ZBTB20: variants seen among roughly 807,000 people sequenced by gnomAD.
ZBTB20 encodes the protein zinc finger and BTB domain-containing protein 20.
In ZBTB20, 9 loss-of-function variants were observed where a neutral mutation model predicts 56.9. The ratio of observed to expected loss-of-function variants is 0.16; its 90% confidence interval spans 0.10 to 0.28. The LOEUF is 0.28. Among genes scored for constraint, ZBTB20 ranks in the 10% least tolerant of loss-of-function variants. ZBTB20 has a pLI of 1.00. For missense variants in ZBTB20, 655 were observed against 1,003.0 expected (o/e 0.65, Z 4.69); for synonymous variants, 417 against 420.7 (o/e 0.99, Z 0.11).
At chr3:114,506,569 C>A (rs2044639148) in intron 6 of ZBTB20, among the ~76,000 whole-genome samples, 2 of 152,108 alleles carry the variant, frequency 1.3e-5, no homozygotes, top group Admixed American at 6.6e-5. Flanking sequence ...ATTCAGGAAT[C>A]CTTTACAATC....
Position 114,329,074 on chromosome 3 carries a change from C to A in ZBTB20, c.*9931G>T, listed in dbSNP as rs2079152151. 1 of 152,148 alleles carries A rather than the reference C, an allele frequency of 6.6e-6. No homozygotes were observed. The highest frequency in any genetic ancestry group is 2.1e-4 in the South Asian group (1 of 4,820). 9.4% of individuals were successfully genotyped at this position (152,148 alleles called of 1,614,324 possible). A position where few individuals can be genotyped will look rare whatever the true frequency, so the allele number is the denominator to read the frequency against. On this transcript the variant is annotated 3_prime_UTR_variant, in exon 12 of 12. Coordinates refer to ENST00000675478, the MANE Select transcript of ZBTB20 (RefSeq NM_001348800.3). Reference sequence around the variant, plus strand: ...ACACTAGACATTAGCCCTTTCAAAGCAGACTAAGAGTACGTAGTTCCTTAG... The same window carrying A: ...ACACTAGACATTAGCCCTTTCAAAGAAGACTAAGAGTACGTAGTTCCTTAG...
chr3:114,643,859 T>C (rs1444472946), intron 6 of ZBTB20, among the ~76,000 whole-genome samples: 1 of 152,172 alleles, frequency 6.6e-6, no homozygotes, highest in East Asian at 1.9e-4. Context: ...TTTCTAACTT[T>C]ACATTTTGCC....
chr3:114,655,242 C>CTTTTTTTTTTTTTTTTTTTTTT lies in ZBTB20; in HGVS notation c.-295+38285_-295+38286insAAAAAAAAAAAAAAAAAAAAAA, dbSNP rs3085998. On this transcript the variant is annotated intron_variant, in intron 6 of 11. Coordinates refer to ENST00000675478, the MANE Select transcript of ZBTB20 (RefSeq NM_001348800.3). ...ATTGTTATTCTTCTGTTTTCCTTTC[C>CTTTTTTTTTTTTTTTTTTTTTT]TTTTTTTTTTTTTTTTTTTTTGAGA... 2.2e-5 allele frequency among the ~76,000 whole-genome samples: 2 copies of CTTTTTTTTTTTTTTTTTTTTTT among 91,676 alleles called. 1 individual carries two copies. 60.1% of individuals were successfully genotyped at this position (91,676 alleles called of 152,430 possible).
At chr3:114,962,429 C>T (rs918212009) in intron 3 of ZBTB20, among the ~76,000 whole-genome samples, 5 of 152,088 alleles carry the variant, frequency 3.3e-5, no homozygotes, top group African/African-American at 9.7e-5. Context: ...ACAGTCTACA[C>T]TCACTGCAGA....
At chr3:115,132,411 C>G (rs1330415467) in intron 1 of ZBTB20, among the ~76,000 whole-genome samples, 2 of 151,962 alleles carry the variant, frequency 1.3e-5, no homozygotes, top group Admixed American at 1.3e-4. Flanking sequence ...ACTCATTTTT[C>G]TAGATTTTAA....
chr3:115,146,074 C>G (rs2084957503), intron 1 of ZBTB20, among the ~76,000 whole-genome samples: 1 of 152,096 alleles, frequency 6.6e-6, no homozygotes, highest in Non-Finnish European at 1.5e-5. Flanking sequence ...TTAGGTTTGG[C>G]CAATGCTGAT....
Position 114,509,888 on chromosome 3 carries a change from C to T in ZBTB20, c.-294-9497G>A, listed in dbSNP as rs115625378. On this transcript the variant is annotated intron_variant, in intron 6 of 11. Transcript: ENST00000675478. ...GTAAATATCTGAATTCTTGTATTCA[C>T]CTATTAATGATCCAGGGATCGAGGA... Among the ~76,000 whole-genome samples the T allele has an allele frequency of 3.4e-3, 522 of 152,188 alleles. 2 individuals carry two copies. The highest frequency in any genetic ancestry group is 0.012 in the African/African-American group (497 of 41,530).
chr3:114,599,870 C>A (rs2056624579), intron 6 of ZBTB20, among the ~76,000 whole-genome samples: 2 of 151,932 alleles, frequency 1.3e-5, no homozygotes, highest in African/African-American at 4.8e-5. Flanking sequence ...CATGACTGTA[C>A]TAAGAGGTCC....
intron 3 of ZBTB20, among the ~76,000 whole-genome samples, chr3:114,943,910 CA>C (rs367766907): frequency 0.047 from 2,774 of 58,974 alleles, 243 homozygotes; most frequent in African/African-American, 0.1. Flanking sequence ...AAACCAACTA[CA>C]AAAAAAAAAA....
At chr3:114,565,344 C>T (rs903305405) in intron 6 of ZBTB20, among the ~76,000 whole-genome samples, 3 of 152,152 alleles carry the variant, frequency 2.0e-5, no homozygotes, top group African/African-American at 7.2e-5. Flanking sequence ...CATAATTACC[C>T]GATTGTCGCA....
chr3:115,041,284 C>T (rs2081131122), intron 2 of ZBTB20, among the ~76,000 whole-genome samples: 1 of 152,142 alleles, frequency 6.6e-6, no homozygotes, highest in African/African-American at 2.4e-5. Context: ...CATGGACAAA[C>T]ATTACAATTC....
At chr3:114,539,306 A>T (rs946293894) in intron 6 of ZBTB20, among the ~76,000 whole-genome samples, 3 of 152,124 alleles carry the variant, frequency 2.0e-5, no homozygotes, top group Non-Finnish European at 2.9e-5. Flanking sequence ...TAATTATTTG[A>T]CATTTTTGGT....
In ZBTB20 at chr3:114,319,987, C is replaced by G. The variant is rs1560051711; in HGVS notation, c.*19018G>C. ...GCTGGGGTTATTTCCTCCATACTTT[C>G]TTCCACATTTAACCTGTTTGGGCAT... On this transcript the variant is annotated 3_prime_UTR_variant, in exon 12 of 12. Coordinates refer to ENST00000675478, the MANE Select transcript of ZBTB20 (RefSeq NM_001348800.3). 1 of 152,144 alleles carries G rather than the reference C, an allele frequency of 6.6e-6. No individual in the cohort carries two copies. The highest frequency in any genetic ancestry group is 2.4e-5 in the African/African-American group (1 of 41,438). The allele number at this position is 152,144 out of a possible 1,614,324, so 9.4% of individuals were successfully genotyped here. A position where few individuals can be genotyped will look rare whatever the true frequency, so the allele number is the denominator to read the frequency against.
chr3:114,924,836 T>G (rs2107774634), intron 3 of ZBTB20, among the ~76,000 whole-genome samples: 1 of 152,200 alleles, frequency 6.6e-6, no homozygotes, highest in South Asian at 2.1e-4. Context: ...TTCTCACTCC[T>G]TTTTAGATTA....
chr3:114,597,773 G>A (rs982667669), intron 6 of ZBTB20, among the ~76,000 whole-genome samples: 2 of 152,040 alleles, frequency 1.3e-5, no homozygotes, highest in African/African-American at 4.8e-5. Context: ...GGATACATGG[G>A]ACTTTAGCAG....
chr3:114,722,830 A>C (rs1026713829), intron 5 of ZBTB20, among the ~76,000 whole-genome samples: 9 of 152,164 alleles, frequency 5.9e-5, no homozygotes, highest in African/African-American at 2.2e-4. Context: ...TATTTCTTCC[A>C]ATCAAACAGG....
chr3:115,106,793 C>T (rs1225519217), intron 1 of ZBTB20, among the ~76,000 whole-genome samples: 1 of 152,146 alleles, frequency 6.6e-6, no homozygotes, highest in Non-Finnish European at 1.5e-5. Flanking sequence ...TCCCCACCAT[C>T]GCCACCTTCT....
chr3:114,988,798 T>A (rs1047043626), intron 2 of ZBTB20, among the ~76,000 whole-genome samples: 4 of 152,184 alleles, frequency 2.6e-5, no homozygotes, highest in Non-Finnish European at 4.4e-5. Flanking sequence ...CCATTCTAAC[T>A]GGTGTGAGAT....
At chr3:114,445,577 A>G (rs935001065) in intron 7 of ZBTB20, 5 of 152,212 alleles carry the variant, frequency 3.3e-5, no homozygotes, top group Non-Finnish European at 7.4e-5. Context: ...CTGGAATTTT[A>G]AAAATCTAGA....
Sources: allele counts gnomAD v4.1 joint callset (sites outside exome capture counted in the v4.1 genomes callset), GRCh38; gene constraint gnomAD v4.1.1; transcripts MANE v1.5; gene names NCBI Gene and HGNC (gene_info 2026-07-23, HGNC 2026-07-21).